NKAIN3: variants seen among roughly 807,000 people sequenced by gnomAD.
NKAIN3 encodes the protein sodium/potassium transporting ATPase interacting 3.
Under a neutral mutation model 30.2 loss-of-function variants are expected in NKAIN3, and 25 were observed. That is an observed-to-expected ratio of 0.83 (90% CI 0.60 to 1.16). NKAIN3 has a LOEUF of 1.16. NKAIN3 is among the 50% of genes most tolerant of loss of function. NKAIN3 has a pLI of 0.00. For missense variants in NKAIN3, 225 were observed against 254.1 expected, an observed-to-expected ratio of 0.89 and a Z score of 0.78; for synonymous variants, 91 against 89.6, an observed-to-expected ratio of 1.02 and a Z score of -0.09.
chr8:62,641,589 C>G (rs1311394348), intron 3 of NKAIN3, among the ~76,000 whole-genome samples: 2 of 152,144 alleles, frequency 1.3e-5, no homozygotes, highest in African/African-American at 2.4e-5. Flanking sequence ...GAGCCTGACT[C>G]TAGACAGACT....
At chr8:62,510,945 T>C (rs1158560490) in intron 1 of NKAIN3, among the ~76,000 whole-genome samples, 3 of 152,150 alleles carry the variant, frequency 2.0e-5, no homozygotes, top group Admixed American at 1.3e-4. Flanking sequence ...CTGCCCTCTG[T>C]TTCCCACATA....
chr8:62,573,463 C>T (rs577976147), intron 1 of NKAIN3, among the ~76,000 whole-genome samples: 2 of 152,074 alleles, frequency 1.3e-5, no homozygotes, highest in Admixed American at 6.6e-5. Flanking sequence ...TTGAACCATG[C>T]TTTCGTTATG....
rs1016784954 is a variant in NKAIN3, at chr8:62,965,214, T to C, written c.604-140T>C. The C allele has an allele frequency of 3.9e-6, 3 of 776,834 alleles. No individual in the cohort carries two copies. The South Asian group carries it at 1.7e-4, about 45-fold the overall frequency. The allele number at this position is 776,834 out of a possible 1,614,324, so 48.1% of individuals were successfully genotyped here. A position where few individuals can be genotyped will look rare whatever the true frequency, so the allele number is the denominator to read the frequency against. On this transcript the variant is annotated intron_variant, in intron 6 of 6. Transcript: ENST00000623646. ...TGAAAAGCAGGAAGGCCCAAGTCTT[T>C]AACTTTCTTATTGCTACAGTCAGAC...
At chr8:62,798,422 A>T (rs1817939582) in intron 4 of NKAIN3, among the ~76,000 whole-genome samples, 3 of 152,044 alleles carry the variant, frequency 2.0e-5, no homozygotes, top group Admixed American at 2.0e-4. Flanking sequence ...ATACAAAAAA[A>T]TTAGCTGGGC....
In NKAIN3 at chr8:62,976,618, G is replaced by T. The variant is rs1433036120; in HGVS notation, c.*11211G>T. Among the ~76,000 whole-genome samples the T allele has an allele frequency of 6.6e-6, 1 of 152,006 alleles. No homozygotes were observed. The highest frequency in any genetic ancestry group is 2.4e-5 in the African/African-American group (1 of 41,398). On this transcript the variant is annotated 3_prime_UTR_variant, in exon 7 of 7. Coordinates refer to ENST00000623646, the MANE Select transcript of NKAIN3 (RefSeq NM_001304533.3). ...GGGTCTCGAATACAACACACCAATGGGTTTTGACTCTTTATCCAATTTGCC... is the reference window on the plus strand; with the variant it reads ...GGGTCTCGAATACAACACACCAATGTGTTTTGACTCTTTATCCAATTTGCC...
chr8:62,297,996 A>T (rs1343712816), intron 1 of NKAIN3, among the ~76,000 whole-genome samples: 2 of 152,158 alleles, frequency 1.3e-5, no homozygotes, highest in Non-Finnish European at 2.9e-5. Flanking sequence ...TGCAGCCATA[A>T]AAAATGATGA....
chr8:62,396,154 T>TCA (rs764714988), intron 1 of NKAIN3, among the ~76,000 whole-genome samples: 58 of 152,110 alleles, frequency 3.8e-4, no homozygotes, highest in Non-Finnish European at 4.1e-4. Context: ...TATGTCTCTC[T>TCA]CACACACACA....
At chr8:62,332,702 G>A (rs1458810900) in intron 1 of NKAIN3, among the ~76,000 whole-genome samples, 1 of 152,066 alleles carries the variant, frequency 6.6e-6, no homozygotes, top group Non-Finnish European at 1.5e-5. Context: ...TCTATTGAAT[G>A]CTTCTGTTTT....
At chr8:62,568,515 CAA>C (rs1275242627) in intron 1 of NKAIN3, among the ~76,000 whole-genome samples, 1 of 152,138 alleles carries the variant, frequency 6.6e-6, no homozygotes, top group Admixed American at 6.6e-5. Context: ...ACAAGAAAAA[CAA>C]AAGACTTTCC....
At chr8:62,894,399 A>G (rs1409715044) in intron 4 of NKAIN3, among the ~76,000 whole-genome samples, 1 of 152,192 alleles carries the variant, frequency 6.6e-6, no homozygotes, top group African/African-American at 2.4e-5. Context: ...GAGGAACTCA[A>G]GATTTTCACA....
At chr8:62,390,114 G>A (rs544446319) in intron 1 of NKAIN3, among the ~76,000 whole-genome samples, 3 of 151,942 alleles carry the variant, frequency 2.0e-5, no homozygotes, top group Non-Finnish European at 4.4e-5. Flanking sequence ...TTGTGTCATG[G>A]GGTTTTTTGT....
chr8:62,659,241 T>A (rs1216039819), intron 3 of NKAIN3, among the ~76,000 whole-genome samples: 1 of 152,226 alleles, frequency 6.6e-6, no homozygotes, highest in Non-Finnish European at 1.5e-5. Context: ...AGTTTGTCTC[T>A]CCTGTCCCCA....
Position 62,967,822 on chromosome 8 carries a change from T to A in NKAIN3, c.*2415T>A, listed in dbSNP as rs34900466. 0.12 allele frequency among the ~76,000 whole-genome samples: 17,727 copies of A among 152,140 alleles called. 1,177 individuals are homozygous for A. Among genetic ancestry groups the A allele is most frequent in the East Asian group, 0.22 (1,119 of 5,156 alleles). ...ACATGCAAATAAAATGTGGTTAACATTTCACAAAATAGAACCATACTAAAT... is the reference window on the plus strand; with the variant it reads ...ACATGCAAATAAAATGTGGTTAACAATTCACAAAATAGAACCATACTAAAT... On this transcript the variant is annotated 3_prime_UTR_variant, in exon 7 of 7. Transcript: ENST00000623646.
intron 4 of NKAIN3, among the ~76,000 whole-genome samples, chr8:62,780,614 A>T (rs1032986622): frequency 6.6e-6 from 1 of 152,198 alleles, no homozygotes; most frequent in Non-Finnish European, 1.5e-5. Flanking sequence ...TATTCCAGGG[A>T]TGAAGAAATG....
At chr8:62,640,796 G>A (rs1283535410) in intron 3 of NKAIN3, among the ~76,000 whole-genome samples, 1 of 152,020 alleles carries the variant, frequency 6.6e-6, no homozygotes, top group Non-Finnish European at 1.5e-5. Flanking sequence ...ACTCAAATAT[G>A]TCCTCTACTC....
intron 1 of NKAIN3, among the ~76,000 whole-genome samples, chr8:62,348,994 T>C (rs545100968): frequency 1.3e-5 from 2 of 152,314 alleles, no homozygotes; most frequent in East Asian, 3.9e-4. Flanking sequence ...TCCCTTCTGC[T>C]TAAGTGGCTG....
At chr8:62,816,402 T>A (rs1218227850) in intron 4 of NKAIN3, among the ~76,000 whole-genome samples, 1 of 152,086 alleles carries the variant, frequency 6.6e-6, no homozygotes, top group African/African-American at 2.4e-5. Flanking sequence ...TCTTGGGGAG[T>A]GCATAAGCAT....
chr8:62,657,772 A>C (rs1812805394), intron 3 of NKAIN3, among the ~76,000 whole-genome samples: 1 of 152,202 alleles, frequency 6.6e-6, no homozygotes, highest in Non-Finnish European at 1.5e-5. Flanking sequence ...CTGCACCACG[A>C]AATAGGAACT....
In NKAIN3 at chr8:62,978,859, A is replaced by T. The variant is rs1351312992; in HGVS notation, c.*13452A>T. On this transcript the variant is annotated 3_prime_UTR_variant, in exon 7 of 7. Coordinates refer to ENST00000623646, the MANE Select transcript of NKAIN3 (RefSeq NM_001304533.3). ...CCCTTGTGGTGTAGGCACCCAAGGGATCTCCTTGTCTGTGGATTGCGAAGA... is the reference window on the plus strand; with the variant it reads ...CCCTTGTGGTGTAGGCACCCAAGGGTTCTCCTTGTCTGTGGATTGCGAAGA... 2.6e-5 allele frequency: 4 copies of T among 154,210 alleles called. No homozygotes were observed. The highest frequency in any genetic ancestry group is 9.6e-5 in the African/African-American group (4 of 41,456). 9.6% of individuals were successfully genotyped at this position (154,210 alleles called of 1,614,324 possible). A position where few individuals can be genotyped will look rare whatever the true frequency, so the allele number is the denominator to read the frequency against.
Sources: gnomAD v4.1 joint callset for allele counts (sites outside exome capture counted in the v4.1 genomes callset) on GRCh38, gnomAD v4.1.1 for gene constraint, MANE v1.5 for transcripts, NCBI Gene and HGNC (gene_info 2026-07-23, HGNC 2026-07-21) for gene names.